The following SEC22A variants were observed in gnomAD, a reference collection of about 807,000 sequenced individuals.
The protein encoded by SEC22A is vesicle-trafficking protein SEC22a.
In SEC22A, 22 loss-of-function variants were observed where a neutral mutation model predicts 35.3. The observed-to-expected ratio is 0.62, with a 90% CI of 0.45 to 0.89. SEC22A has a LOEUF of 0.89. Ranked by LOEUF, SEC22A falls within the 40% of genes least tolerant of loss-of-function variation. The pLI is 0.00. For synonymous variants in SEC22A, 119 were observed against 129.5 expected, an observed-to-expected ratio of 0.92 and a Z score of 0.55; for missense variants, 354 against 362.5, an observed-to-expected ratio of 0.98 and a Z score of 0.19.
intron 4 of SEC22A, among the ~76,000 whole-genome samples, chr3:123,229,553 C>T (rs1165238592): frequency 3.3e-5 from 5 of 152,166 alleles, no homozygotes; most frequent in African/African-American, 1.2e-4. Context: ...AGCAGAAACA[C>T]CTTATAAGAA....
At chr3:123,232,244 A>T (rs1937337206) in intron 4 of SEC22A, among the ~76,000 whole-genome samples, 1 of 152,196 alleles carries the variant, frequency 6.6e-6, no homozygotes, top group African/African-American at 2.4e-5. Flanking sequence ...TGTCTAAAAG[A>T]AAAAAGAAAT....
chr3:123,227,054 T>G (rs1937229174), intron 4 of SEC22A, among the ~76,000 whole-genome samples: 1 of 152,196 alleles, frequency 6.6e-6, no homozygotes, highest in African/African-American at 2.4e-5. Context: ...TGTAAATACT[T>G]TAGTGATCGT....
At chr3:123,231,384 A>C (rs1457506234) in intron 4 of SEC22A, among the ~76,000 whole-genome samples, 1 of 152,234 alleles carries the variant, frequency 6.6e-6, no homozygotes, top group Non-Finnish European at 1.5e-5. Flanking sequence ...CATGTGAACT[A>C]TTCTCCAGGA....
intron 5 of SEC22A, among the ~76,000 whole-genome samples, chr3:123,254,803 A>C (rs2108089936): frequency 6.6e-6 from 1 of 152,138 alleles, no homozygotes; most frequent in East Asian, 1.9e-4. Context: ...TTACATATGT[A>C]TACATGTGCC....
chr3:123,230,699 CAA>C (rs376679473), intron 4 of SEC22A, among the ~76,000 whole-genome samples: 26 of 47,412 alleles, frequency 5.5e-4, no homozygotes, highest in Middle Eastern at 0.017. Flanking sequence ...TCACTTCATG[CAA>C]AAAAAAAAAA....
intron 6 of SEC22A, among the ~76,000 whole-genome samples, chr3:123,263,521 T>G (rs1937941330): frequency 6.6e-6 from 1 of 152,240 alleles, no homozygotes; most frequent in Non-Finnish European, 1.5e-5. Context: ...TAGGCATTTT[T>G]TTGTTGTTTT....
intron 4 of SEC22A, among the ~76,000 whole-genome samples, chr3:123,231,983 A>G (rs1458462332): frequency 6.6e-6 from 1 of 152,192 alleles, no homozygotes; most frequent in Non-Finnish European, 1.5e-5. Flanking sequence ...TCATGCCTGC[A>G]ACCCCAACAC....
intron 1 of SEC22A, among the ~76,000 whole-genome samples, chr3:123,202,761 C>T (rs1936772412): frequency 6.6e-6 from 1 of 152,188 alleles, no homozygotes; most frequent in Admixed American, 6.5e-5. Context: ...TATGCCTATT[C>T]AGCCAAGGCA....
At chr3:123,208,813 G>A (rs545091288) in intron 1 of SEC22A, 95 of 179,702 alleles carry the variant, frequency 5.3e-4, no homozygotes, top group African/African-American at 2.2e-3. Context: ...TTTTCCTCCT[G>A]AGACGGAGTC....
intron 4 of SEC22A, among the ~76,000 whole-genome samples, chr3:123,228,543 C>T (rs1475563946): frequency 1.4e-5 from 2 of 146,990 alleles, no homozygotes; most frequent in African/African-American, 5.0e-5. Flanking sequence ...CCATTGCACT[C>T]TAGCCTGGGC....
chr3:123,257,995 G>GAAAAAAACAAAAAAAAA (rs1937777805), intron 5 of SEC22A, among the ~76,000 whole-genome samples: 1 of 111,484 alleles, frequency 9.0e-6, no homozygotes, highest in Non-Finnish European at 1.9e-5. Flanking sequence ...CCATCTCATT[G>GAAAAAAACAAAAAAAAA]AAAAAAAAAA....
intron 5 of SEC22A, among the ~76,000 whole-genome samples, chr3:123,250,283 G>A (rs768342662): frequency 7.9e-5 from 12 of 152,102 alleles, no homozygotes; most frequent in Non-Finnish European, 1.2e-4. Flanking sequence ...GGTGGCGCAC[G>A]CCTATAGTCC....
intron 6 of SEC22A, among the ~76,000 whole-genome samples, chr3:123,264,206 A>G (rs1416379610): frequency 1.3e-5 from 2 of 152,236 alleles, no homozygotes; most frequent in Non-Finnish European, 2.9e-5. Flanking sequence ...CACAACATCC[A>G]GCTTCATTTA....
intron 2 of SEC22A, among the ~76,000 whole-genome samples, chr3:123,213,757 T>C (rs892779671): frequency 2.6e-5 from 4 of 152,214 alleles, no homozygotes; most frequent in African/African-American, 9.6e-5. Flanking sequence ...ACTCTTTCTT[T>C]ACAGAATCTC....
rs533386545 is a variant in SEC22A, at chr3:123,260,131, C to CAAAAAAAA, written c.723+573_723+580dup. ...TGGGCAACAGAGCGAGACTACATCT[C>CAAAAAAAA]AAAAAAAAAAAAAAAAAAAAAAAAA... is the stretch of plus-strand genomic sequence containing the variant. On this transcript the variant is annotated intron_variant, in intron 6 of 6. Coordinates refer to ENST00000492595, the MANE Select transcript of SEC22A (RefSeq NM_012430.5). Among the ~76,000 whole-genome samples, 164 of 49,788 alleles carry CAAAAAAAA rather than the reference C, an allele frequency of 3.3e-3. 11 individuals are homozygous for CAAAAAAAA. Among genetic ancestry groups the CAAAAAAAA allele is most frequent in the Non-Finnish European group, 4.3e-3 (133 of 31,076 alleles). The allele number at this position is 49,788 out of a possible 152,430, so 32.7% of individuals were successfully genotyped here.
At chr3:123,222,059 T>C (rs533076276) in intron 2 of SEC22A, among the ~76,000 whole-genome samples, 1 of 152,188 alleles carries the variant, frequency 6.6e-6, no homozygotes, top group Non-Finnish European at 1.5e-5. Flanking sequence ...GTTCCTACCA[T>C]ACTTTATCTA....
chr3:123,207,414 T>G (rs939286239), intron 1 of SEC22A, among the ~76,000 whole-genome samples: 1 of 152,164 alleles, frequency 6.6e-6, no homozygotes, highest in Non-Finnish European at 1.5e-5. Context: ...TAATTTAGTC[T>G]CTAAGATACA....
intron 2 of SEC22A, among the ~76,000 whole-genome samples, chr3:123,218,376 A>G (rs2108039909): frequency 6.6e-6 from 1 of 152,338 alleles, no homozygotes; most frequent in East Asian, 1.9e-4. Context: ...TAAACAATAT[A>G]AAGGAAATTA....
chr3:123,255,815 C>T (rs965175851), intron 5 of SEC22A, among the ~76,000 whole-genome samples: 1 of 151,950 alleles, frequency 6.6e-6, no homozygotes, highest in African/African-American at 2.4e-5. Context: ...TTTTGCTGCA[C>T]CACATAACAT....
Sources: gnomAD v4.1 joint callset for allele counts (sites outside exome capture counted in the v4.1 genomes callset) on GRCh38, gnomAD v4.1.1 for gene constraint, MANE v1.5 for transcripts, NCBI Gene and HGNC (gene_info 2026-07-23, HGNC 2026-07-21) for gene names.